ANKIB1: variants seen among roughly 807,000 people sequenced by gnomAD.
The protein encoded by ANKIB1 is ankyrin repeat and IBR domain-containing protein 1.
In ANKIB1, 43 loss-of-function variants were observed where a neutral mutation model predicts 122.1. That is an observed-to-expected ratio of 0.35 (90% CI 0.28 to 0.45). ANKIB1 has a LOEUF of 0.45. ANKIB1 is among the 20% of genes least tolerant of loss of function. ANKIB1 has a pLI of 1.00. For missense variants in ANKIB1, 992 were observed against 1,329.5 expected (o/e 0.75, Z 3.95); for synonymous variants, 390 against 442.0 (o/e 0.88, Z 1.48).
intron 9 of ANKIB1, among the ~76,000 whole-genome samples, chr7:92,355,773 T>C (rs1024340294): frequency 1.3e-5 from 2 of 151,438 alleles, no homozygotes; most frequent in African/African-American, 4.8e-5. Flanking sequence ...CGCTTGAACC[T>C]GGGAGGCAGA....
At chr7:92,390,195 T>G (rs1804757243) in intron 15 of ANKIB1, 79 bp downstream of exon 15, 4 of 1,075,580 alleles carry the variant, frequency 3.7e-6, no homozygotes, top group African/African-American at 1.7e-5. Context: ...ACCACTTGTT[T>G]TATTTAATGT....
chr7:92,289,073 G>C (rs1227014505), intron 1 of ANKIB1, among the ~76,000 whole-genome samples: 1 of 152,122 alleles, frequency 6.6e-6, no homozygotes, highest in Admixed American at 6.5e-5. Context: ...GAATGTTATG[G>C]CAGCCTTAAT....
At chr7:92,278,987 A>G (rs1355744015) in intron 1 of ANKIB1, among the ~76,000 whole-genome samples, 2 of 152,226 alleles carry the variant, frequency 1.3e-5, no homozygotes, top group Non-Finnish European at 1.5e-5. Context: ...TTTTGGTACT[A>G]GAGACCGCTT....
intron 3 of ANKIB1, among the ~76,000 whole-genome samples, chr7:92,307,960 C>T (rs1010522501): frequency 2.6e-5 from 4 of 151,352 alleles, no homozygotes; most frequent in South Asian, 2.1e-4. Context: ...ACTACAGGCA[C>T]GCGCCACAAT....
intron 1 of ANKIB1, among the ~76,000 whole-genome samples, chr7:92,247,180 T>C (rs1801130291): frequency 6.6e-6 from 1 of 152,216 alleles, no homozygotes. Context: ...AACAATCTTG[T>C]ATTGGAATGA....
intron 1 of ANKIB1, among the ~76,000 whole-genome samples, chr7:92,276,066 G>A (rs1801897654): frequency 6.6e-6 from 1 of 152,006 alleles, no homozygotes; most frequent in African/African-American, 2.4e-5. Flanking sequence ...TTAGTATATA[G>A]ATGCACACTG....
chr7:92,386,301 A>G (rs1804648724), intron 11 of ANKIB1, among the ~76,000 whole-genome samples: 1 of 152,194 alleles, frequency 6.6e-6, no homozygotes, highest in Non-Finnish European at 1.5e-5. Context: ...ATCCCTATAA[A>G]CAATAATTTT....
intron 11 of ANKIB1, among the ~76,000 whole-genome samples, chr7:92,373,306 A>C (rs1002259508): frequency 1.3e-5 from 2 of 152,214 alleles, no homozygotes; most frequent in African/African-American, 2.4e-5. Context: ...AAATGACAAT[A>C]AAAATTTATA....
intron 1 of ANKIB1, among the ~76,000 whole-genome samples, chr7:92,258,624 A>G (rs1439515578): frequency 1.3e-5 from 2 of 152,202 alleles, no homozygotes; most frequent in African/African-American, 2.4e-5. Context: ...TTTTCTGTGT[A>G]GTGAGAAACT....
rs894945206 is a variant in ANKIB1 at position 92,246,473 on chromosome 7, G to A, written c.-137G>A. 9.6e-6 allele frequency: 5 copies of A among 518,186 alleles called. No homozygotes were observed. The highest frequency in any genetic ancestry group is 1.9e-5 in the Non-Finnish European group (5 of 259,782). 32.1% of individuals were successfully genotyped at this position (518,186 alleles called of 1,614,324 possible). On this transcript the variant is annotated 5_prime_UTR_variant, in exon 1 of 20. Transcript: ENST00000265742. ...GCAGGGGCGGCGGAGGCGGAACTGC[G>A]GAGTTGCTGGGTCCACCGACCCTTA...
intron 1 of ANKIB1, among the ~76,000 whole-genome samples, chr7:92,291,445 A>G (rs1802245155): frequency 2.0e-5 from 3 of 152,122 alleles, no homozygotes; most frequent in African/African-American, 4.8e-5. Flanking sequence ...TACACCTACT[A>G]TGTATCCACA....
intron 11 of ANKIB1, among the ~76,000 whole-genome samples, chr7:92,379,144 A>G (rs898719478): frequency 2.6e-5 from 4 of 152,254 alleles, no homozygotes; most frequent in African/African-American, 9.6e-5. Flanking sequence ...TAATTCCAGC[A>G]CTTTGGGAGG....
intron 2 of ANKIB1, among the ~76,000 whole-genome samples, chr7:92,296,288 T>C (rs1329086939): frequency 6.6e-6 from 1 of 151,908 alleles, no homozygotes; most frequent in African/African-American, 2.4e-5. Flanking sequence ...AGTGGTGTGA[T>C]CATAATTTGC....
chr7:92,383,657 A>T (rs948500082), intron 11 of ANKIB1, among the ~76,000 whole-genome samples: 1 of 152,246 alleles, frequency 6.6e-6, no homozygotes, highest in African/African-American at 2.4e-5. Flanking sequence ...TCATCTCAAT[A>T]GATGCAGAAA....
Position 92,391,217 on chromosome 7 carries a change from T to C in ANKIB1, c.2104T>C (p.Tyr702His). The change falls in exon 16 of 20, where the codon TAC becomes CAC. Residue 702 changes from tyrosine (Y) to histidine (H), a missense_variant. By Grantham distance (83) the Tyr-to-His change is moderately conservative (BLOSUM62 2). Coordinates refer to ENST00000265742, the MANE Select transcript of ANKIB1 (RefSeq NM_019004.2). ...CCTTGCCCAGAAAGTCAATAGGCCT[T>C]ACCTTCGCACACCCCGCCACAAGAT... Reference protein sequence around the residue: ...EDLAQKVNRPYLRTPRHKIIK... With the variant: ...EDLAQKVNRPHLRTPRHKIIK... 6.2e-7 allele frequency: 1 copy of C among 1,613,406 alleles called. No homozygotes were observed. The highest frequency in any genetic ancestry group is 8.5e-7 in the Non-Finnish European group (1 of 1,179,594).
chr7:92,265,999 GGAAAATGTAGTT>G (rs1801665423), intron 1 of ANKIB1, among the ~76,000 whole-genome samples: 1 of 152,192 alleles, frequency 6.6e-6, no homozygotes, highest in African/African-American at 2.4e-5. Context: ...ATCAACCAGG[GGAAAATGTAGTT>G]GAAGAAGTAG....
chr7:92,378,364 C>G (rs1022327579), intron 11 of ANKIB1, among the ~76,000 whole-genome samples: 3 of 151,342 alleles, frequency 2.0e-5, no homozygotes, highest in African/African-American at 7.3e-5. Flanking sequence ...ATTAGGGATG[C>G]TTCCACCTAT....
At chr7:92,372,137 G>A (rs1804279433) in intron 11 of ANKIB1, among the ~76,000 whole-genome samples, 1 of 151,912 alleles carries the variant, frequency 6.6e-6, no homozygotes, top group Admixed American at 6.6e-5. Flanking sequence ...CCATACAATT[G>A]GCTCTCTGTA....
intron 10 of ANKIB1, among the ~76,000 whole-genome samples, chr7:92,370,508 CAAAAAAAAAAAAAAAAAAAA>C (rs34318038): frequency 1.8e-4 from 6 of 32,966 alleles, no homozygotes; most frequent in East Asian, 1.6e-3. Flanking sequence ...ACTCTTGTCT[CAAAAAAAAAAAAAAAAAAAA>C]AAAAAAAAAA....
Sources: allele counts gnomAD v4.1 joint callset (sites outside exome capture counted in the v4.1 genomes callset), GRCh38; gene constraint gnomAD v4.1.1; transcripts MANE v1.5; gene names NCBI Gene and HGNC (gene_info 2026-07-23, HGNC 2026-07-21).